RIC1: variants seen among roughly 807,000 people sequenced by gnomAD.
The protein encoded by RIC1 is RIC1 partner of RAB6A GEF complex, also known as guanine nucleotide exchange factor subunit RIC1.
Under a neutral mutation model 169.0 loss-of-function variants are expected in RIC1, and 88 were observed. That is an observed-to-expected ratio of 0.52 (90% CI 0.44 to 0.62). The LOEUF is 0.62. RIC1 is among the 20% of genes least tolerant of loss of function. The pLI is 0.00. For missense variants in RIC1, 1,877 were observed against 1,725.5 expected (o/e 1.09, Z -1.56); for synonymous variants, 790 against 601.5 (o/e 1.31, Z -4.59).
chr9:5,765,547 C>T lies in RIC1; in HGVS notation c.2975C>T (p.Thr992Ile), dbSNP rs781541380. ...GCCATTGGCTCTGGAGAATCTGAGACACCTCCATCCACACCCACAGCTCAG... is the reference window on the plus strand; with the variant it reads ...GCCATTGGCTCTGGAGAATCTGAGATACCTCCATCCACACCCACAGCTCAG... Reference protein sequence around the residue: ...LKAIGSGESETPPSTPTAQEP... With the variant: ...LKAIGSGESEIPPSTPTAQEP... Residue 992 changes from threonine (T) to isoleucine (I), a missense_variant, in exon 20 of 26, where the codon ACA (threonine) becomes ATA (isoleucine). Coordinates refer to ENST00000414202, the MANE Select transcript of RIC1 (RefSeq NM_020829.4). 6.2e-7 allele frequency: 1 copy of T among 1,613,984 alleles called. No individual in the cohort carries two copies. The highest frequency in any genetic ancestry group is 1.1e-5 in the South Asian group (1 of 91,060).
chr9:5,719,291 T>G (rs1243904573), intron 4 of RIC1: 2 of 152,218 alleles, frequency 1.3e-5, no homozygotes, highest in African/African-American at 4.8e-5. Context: ...GTGACAGATT[T>G]AACTAACACT....
chr9:5,652,672 A>G (rs954441476), intron 1 of RIC1, among the ~76,000 whole-genome samples: 1 of 145,806 alleles, frequency 6.9e-6, no homozygotes, highest in African/African-American at 2.5e-5. Context: ...CTCCTTTCCA[A>G]TTAATTTGGA....
chr9:5,639,339 T>C (rs918535934), intron 1 of RIC1, among the ~76,000 whole-genome samples: 1 of 152,256 alleles, frequency 6.6e-6, no homozygotes, highest in Non-Finnish European at 1.5e-5. Flanking sequence ...GTTTGCTTCT[T>C]AATTTCTGCA....
At chr9:5,773,244 T>C (rs1827353003) in intron 25 of RIC1, 164 bp downstream of exon 25, 1 of 251,038 alleles carries the variant, frequency 4.0e-6, no homozygotes, top group Admixed American at 5.3e-5. Context: ...GTAATCATTC[T>C]ATACCCAGCT....
chr9:5,648,225 C>T (rs140902480), intron 1 of RIC1, among the ~76,000 whole-genome samples: 1 of 152,254 alleles, frequency 6.6e-6, no homozygotes, highest in African/African-American at 2.4e-5. Context: ...CTCAGGTGAT[C>T]CACCTGTCTC....
chr9:5,667,311 G>T (rs1458183705), intron 2 of RIC1, among the ~76,000 whole-genome samples: 2 of 152,148 alleles, frequency 1.3e-5, no homozygotes, highest in Non-Finnish European at 2.9e-5. Flanking sequence ...AATAGAGCAA[G>T]ACTCCGTATC....
At chr9:5,688,760 T>A (rs4742115) in intron 2 of RIC1, among the ~76,000 whole-genome samples, 52,506 of 152,004 alleles carry the variant, frequency 0.35, 9,689 homozygotes, top group East Asian at 0.61. Flanking sequence ...AATTAGAAAG[T>A]AATTTGAAAC....
At chr9:5,740,792 C>T (rs1159442804) in intron 8 of RIC1, among the ~76,000 whole-genome samples, 2 of 152,102 alleles carry the variant, frequency 1.3e-5, no homozygotes, top group Non-Finnish European at 2.9e-5. Flanking sequence ...TTTGGCAGCA[C>T]CCTCACAGAC....
intron 6 of RIC1, among the ~76,000 whole-genome samples, chr9:5,722,666 C>T (rs755869759): frequency 3.3e-5 from 5 of 152,110 alleles, no homozygotes; most frequent in Non-Finnish European, 7.4e-5. Flanking sequence ...ATTAACTCGT[C>T]ATTTACATTA....
At position 5,723,538 on chromosome 9, in the gene RIC1, G is replaced by A. The variant is rs560583291; in HGVS notation, c.720+2788G>A. 5.0e-3 allele frequency among the ~76,000 whole-genome samples: 764 copies of A among 152,188 alleles called. 8 individuals are homozygous for A. The highest frequency in any genetic ancestry group is 0.017 in the African/African-American group (726 of 41,512). ...GTTCACTCTGATGGTAGTTTCTTTT[G>A]CTGTGCAGAAGCTCTTTAGTTGAAT... On this transcript the variant is annotated intron_variant, in intron 6 of 25. Transcript: ENST00000414202.
At chr9:5,632,545 T>C (rs1225581958) in intron 1 of RIC1, among the ~76,000 whole-genome samples, 5 of 152,200 alleles carry the variant, frequency 3.3e-5, no homozygotes, top group Admixed American at 1.3e-4. Flanking sequence ...TTAGCTTTTT[T>C]ATATTGGAGC....
At chr9:5,773,795 G>A (rs961006858) in intron 25 of RIC1, among the ~76,000 whole-genome samples, 163 bp from the exon 26 acceptor site, 5 of 152,146 alleles carry the variant, frequency 3.3e-5, no homozygotes, top group Non-Finnish European at 5.9e-5. Context: ...TGCTGGGCAG[G>A]ACAGCCAAGA....
At chr9:5,659,710 A>G (rs964656360) in intron 2 of RIC1, among the ~76,000 whole-genome samples, 1 of 152,166 alleles carries the variant, frequency 6.6e-6, no homozygotes, top group Non-Finnish European at 1.5e-5. Flanking sequence ...GGTGTTCAGT[A>G]TGCAAGTCTT....
At chr9:5,707,673 T>G (rs890168843) in intron 3 of RIC1, among the ~76,000 whole-genome samples, 1 of 152,104 alleles carries the variant, frequency 6.6e-6, no homozygotes, top group Admixed American at 6.5e-5. Context: ...TTTTGTTTGT[T>G]TGTTTGTTTG....
chr9:5,746,113 G>C (rs756887706), intron 11 of RIC1, 30 bp downstream of exon 11: 17 of 1,565,438 alleles, frequency 1.1e-5, no homozygotes, highest in Non-Finnish European at 1.4e-5. Flanking sequence ...TGATTTTTTA[G>C]TGTCTTTTGT....
intron 8 of RIC1, among the ~76,000 whole-genome samples, 193 bp from the exon 9 acceptor site, chr9:5,742,676 G>C (rs1825148756): frequency 6.6e-6 from 1 of 151,486 alleles, no homozygotes; most frequent in South Asian, 2.1e-4. Context: ...AGTTTGTTCT[G>C]CTTAGATCAG....
chr9:5,701,995 A>T (rs1253655855), intron 3 of RIC1, among the ~76,000 whole-genome samples: 2 of 152,214 alleles, frequency 1.3e-5, no homozygotes, highest in African/African-American at 4.8e-5. Context: ...AAGGCCTCCA[A>T]GGGGACACTC....
At chr9:5,771,673 A>G (rs1284808392) in intron 23 of RIC1, among the ~76,000 whole-genome samples, 3 of 152,172 alleles carry the variant, frequency 2.0e-5, no homozygotes. Flanking sequence ...CATCTCACCA[A>G]CACTCACTTT....
At chr9:5,637,587 C>G (rs1818031039) in intron 1 of RIC1, among the ~76,000 whole-genome samples, 1 of 152,164 alleles carries the variant, frequency 6.6e-6, no homozygotes, top group South Asian at 2.1e-4. Context: ...ATTAGCCGTT[C>G]CCACCTCCCT....
Sources: allele counts gnomAD v4.1 joint callset (sites outside exome capture counted in the v4.1 genomes callset), GRCh38; gene constraint gnomAD v4.1.1; transcripts MANE v1.5; gene names NCBI Gene and HGNC (gene_info 2026-07-23, HGNC 2026-07-21).